NTM: variants seen among roughly 807,000 people sequenced by gnomAD.
NTM encodes the protein IgLON family member 2.
NTM carries 13 observed loss-of-function variants against 42.1 expected under a neutral mutation model. That is an observed-to-expected ratio of 0.31 (90% confidence interval 0.20 to 0.49). The LOEUF (loss-of-function observed/expected upper bound fraction) is 0.49, where lower values mean the gene tolerates loss of function less well. NTM is among the 20% of genes least tolerant of loss of function. The pLI, the probability that NTM is intolerant of heterozygous loss-of-function variation, is 0.99. For synonymous variants in NTM, 187 were observed against 179.2 expected (o/e 1.04, Z -0.35); for missense variants, 373 against 452.8 (o/e 0.82, Z 1.60).
chr11:132,330,089 G>C, intron 7 of NTM, 64 bp from the exon 8 acceptor site: 8 of 1,546,236 alleles, frequency 5.2e-6, no homozygotes, highest in Non-Finnish European at 7.0e-6. Context: ...AATCATCTGA[G>C]GGCAAAGTGA....
chr11:132,239,163 T>C (rs761467172), intron 4 of NTM, among the ~76,000 whole-genome samples: 1 of 152,192 alleles, frequency 6.6e-6, no homozygotes, highest in South Asian at 2.1e-4. Context: ...AACATTGTAG[T>C]CCTAAAATGT....
intron 1 of NTM, among the ~76,000 whole-genome samples, chr11:131,730,718 T>A (rs2079541250): frequency 9.4e-6 from 1 of 106,120 alleles, no homozygotes; most frequent in Non-Finnish European, 2.1e-5. Flanking sequence ...ACCCTATCTG[T>A]TAAAAGAAGA....
chr11:132,087,051 A>G (rs1186532661), intron 2 of NTM, among the ~76,000 whole-genome samples: 1 of 152,150 alleles, frequency 6.6e-6, no homozygotes, highest in African/African-American at 2.4e-5. Flanking sequence ...ACCTAGAAAG[A>G]GGGGAGCCCT....
rs1052751097 is a variant in NTM, at chr11:132,002,578, C to A, written c.167+90930C>A. 2.0e-5 allele frequency among the ~76,000 whole-genome samples: 3 copies of A among 152,178 alleles called. No individual in the cohort carries two copies. Among genetic ancestry groups the A allele is most frequent in the African/African-American group, 7.2e-5 (3 of 41,444 alleles). On this transcript the variant is annotated intron_variant, in intron 2 of 8. Transcript: ENST00000683400. The surrounding 1 kb of genome is among the most constrained non-coding windows in gnomAD (Gnocchi z 4.5). ...TGTCCCCCAAATTGGAGGCTTCTGG[C>A]CATTGCTTGAATAACTTTCTGCCTC...
intron 4 of NTM, chr11:132,285,113 C>T (rs1303033050): frequency 6.6e-6 from 1 of 152,568 alleles, no homozygotes; most frequent in East Asian, 1.9e-4. Flanking sequence ...CCAGCCTAGG[C>T]TTCCCTGCTA....
At chr11:131,615,980 C>A (rs910635324) in intron 1 of NTM, among the ~76,000 whole-genome samples, 7 of 152,248 alleles carry the variant, frequency 4.6e-5, no homozygotes, top group Non-Finnish European at 7.3e-5. Flanking sequence ...CAAGGCTAAG[C>A]GTGGCTGGGT....
At chr11:131,976,233 A>G (rs1191369771) in intron 2 of NTM, among the ~76,000 whole-genome samples, 1 of 151,802 alleles carries the variant, frequency 6.6e-6, no homozygotes, top group Non-Finnish European at 1.5e-5. Context: ...ATGAAGTCCA[A>G]GCGATGAAAA....
chr11:132,123,530 G>C (rs1396801766), intron 2 of NTM, among the ~76,000 whole-genome samples: 1 of 152,202 alleles, frequency 6.6e-6, no homozygotes, highest in African/African-American at 2.4e-5. Flanking sequence ...GTACCAGGAA[G>C]CCAAGGGTAG....
chr11:132,174,692 C>G (rs1214741574), intron 3 of NTM, among the ~76,000 whole-genome samples: 1 of 151,720 alleles, frequency 6.6e-6, no homozygotes, highest in African/African-American at 2.4e-5. Flanking sequence ...GGCAATGGCT[C>G]TTTGAAATAT....
chr11:131,927,837 A>G (rs148345089), intron 2 of NTM, among the ~76,000 whole-genome samples: 7 of 152,320 alleles, frequency 4.6e-5, no homozygotes, highest in Non-Finnish European at 4.4e-5. Flanking sequence ...AGTCTACCCT[A>G]TGAATTTTCT....
intron 4 of NTM, among the ~76,000 whole-genome samples, chr11:132,259,074 C>A (rs539661096): frequency 9.1e-4 from 138 of 152,274 alleles, no homozygotes; most frequent in African/African-American, 3.2e-3. Flanking sequence ...GCCTTGGTTT[C>A]TCTGTGAGTC....
At chr11:131,908,119 G>C (rs1431450041) in intron 1 of NTM, among the ~76,000 whole-genome samples, 1 of 152,154 alleles carries the variant, frequency 6.6e-6, no homozygotes, top group Non-Finnish European at 1.5e-5. Context: ...GTTTTCTGCT[G>C]CAACTGCTGG....
intron 3 of NTM, among the ~76,000 whole-genome samples, chr11:132,188,791 C>G (rs1397253298): frequency 6.6e-6 from 1 of 152,126 alleles, no homozygotes; most frequent in Non-Finnish European, 1.5e-5. Flanking sequence ...AAAATAAAGG[C>G]AAGTGCATTA....
chr11:131,480,666 A>C (rs995515141), intron 1 of NTM, among the ~76,000 whole-genome samples: 1 of 152,180 alleles, frequency 6.6e-6, no homozygotes, highest in African/African-American at 2.4e-5. Flanking sequence ...TGAGCCTCCA[A>C]AACAGAAAAC....
chr11:131,829,497 T>C (rs1219127544), intron 1 of NTM, among the ~76,000 whole-genome samples: 1 of 152,188 alleles, frequency 6.6e-6, no homozygotes, highest in African/African-American at 2.4e-5. Flanking sequence ...GCTGCATACA[T>C]ATTGCTGCAA....
intron 2 of NTM, among the ~76,000 whole-genome samples, chr11:132,108,966 G>C (rs1252351164): frequency 6.6e-6 from 1 of 152,082 alleles, no homozygotes. Context: ...TTGGTTTTCT[G>C]TTCTTCTGTT....
intron 1 of NTM, among the ~76,000 whole-genome samples, chr11:131,376,948 G>C (rs1262495097): frequency 1.3e-5 from 2 of 152,150 alleles, no homozygotes; most frequent in Non-Finnish European, 2.9e-5. Context: ...CGATGAAAAA[G>C]CAACTAACGG....
intron 1 of NTM, among the ~76,000 whole-genome samples, chr11:131,557,349 C>G (rs1282390194): frequency 1.3e-5 from 2 of 152,104 alleles, no homozygotes; most frequent in Non-Finnish European, 2.9e-5. Flanking sequence ...ATTGACGCCC[C>G]GACCCTGTGA....
intron 1 of NTM, among the ~76,000 whole-genome samples, chr11:131,713,532 T>C (rs947409480): frequency 3.3e-5 from 5 of 152,222 alleles, no homozygotes; most frequent in Non-Finnish European, 7.3e-5. Flanking sequence ...GGAGAACTAG[T>C]ATCTGAAAAA....
Sources: allele counts gnomAD v4.1 joint callset (sites outside exome capture counted in the v4.1 genomes callset), GRCh38; gene constraint gnomAD v4.1.1; non-coding constraint Gnocchi (gnomAD v3.1); transcripts MANE v1.5; gene names NCBI Gene and HGNC (gene_info 2026-07-23, HGNC 2026-07-21).